Variants in CWC27 observed in about 807,000 individuals in gnomAD.
The protein encoded by CWC27 is CWC27 spliceosome associated cyclophilin, also known as spliceosome-associated protein CWC27 homolog.
A neutral mutation model predicts 63.6 loss-of-function variants in CWC27; 47 were observed. The ratio of observed to expected loss-of-function variants is 0.74; its 90% CI spans 0.58 to 0.94. CWC27 has a LOEUF of 0.94. Ranked by LOEUF, CWC27 falls within the 40% of genes least tolerant of loss-of-function variation. The pLI, the probability that CWC27 is intolerant of heterozygous loss-of-function variation, is 0.00. For synonymous variants in CWC27, 175 were observed against 179.8 expected (o/e 0.97, Z 0.22); for missense variants, 495 against 554.3 (o/e 0.89, Z 1.07).
At chr5:64,990,500 C>T (rs1459157086) in intron 13 of CWC27, among the ~76,000 whole-genome samples, 1 of 47,784 alleles carries the variant, frequency 2.1e-5, no homozygotes, top group Non-Finnish European at 4.8e-5. Context: ...CTCCTGACCT[C>T]GTGATCTGCC....
intron 13 of CWC27, among the ~76,000 whole-genome samples, chr5:64,985,020 A>G (rs1300791101): frequency 6.6e-6 from 1 of 152,234 alleles, no homozygotes; most frequent in East Asian, 1.9e-4. Flanking sequence ...ATGTCCAATT[A>G]TTCCAGTACC....
chr5:64,868,275 C>A (rs913458310), intron 10 of CWC27, among the ~76,000 whole-genome samples: 1 of 151,954 alleles, frequency 6.6e-6, no homozygotes, highest in Admixed American at 6.6e-5. Context: ...TCCTCTGGCC[C>A]CTGGAAAATA....
At chr5:64,878,498 A>AAAAAAAAAAAAAAC (rs1746852249) in intron 10 of CWC27, among the ~76,000 whole-genome samples, 3 of 145,820 alleles carry the variant, frequency 2.1e-5, no homozygotes, top group Non-Finnish European at 4.5e-5. Flanking sequence ...AAAAAAAAAA[A>AAAAAAAAAAAAAAC]AAGCACCTGT....
At chr5:64,985,203 T>A (rs1182197024) in intron 13 of CWC27, among the ~76,000 whole-genome samples, 1 of 152,232 alleles carries the variant, frequency 6.6e-6, no homozygotes, top group Non-Finnish European at 1.5e-5. Flanking sequence ...TTTGAAATGA[T>A]TCTTCCAACT....
At chr5:64,890,178 A>G (rs76473662) in intron 11 of CWC27, among the ~76,000 whole-genome samples, 2,506 of 152,236 alleles carry the variant, frequency 0.016, 64 homozygotes, top group African/African-American at 0.058. Context: ...ATTAGAGGAG[A>G]AGGGTCAGGC....
chr5:64,951,377 A>G (rs1445919441), intron 11 of CWC27, among the ~76,000 whole-genome samples: 2 of 151,852 alleles, frequency 1.3e-5, no homozygotes, highest in African/African-American at 4.8e-5. Context: ...TGTTATTTTA[A>G]TCATATTATT....
chr5:64,824,755 T>C (rs1462039399), intron 10 of CWC27, among the ~76,000 whole-genome samples: 3 of 127,498 alleles, frequency 2.4e-5, no homozygotes, highest in African/African-American at 9.5e-5. Context: ...TTTTTTGAGA[T>C]GGAGTCTCAC....
intron 10 of CWC27, chr5:64,807,980 G>T: frequency 7.1e-7 from 1 of 1,402,412 alleles, no homozygotes; most frequent in Non-Finnish European, 9.2e-7. Context: ...AGGCCATCTA[G>T]TTGATAATCG....
chr5:64,976,037 C>A (rs1749222795), intron 12 of CWC27, among the ~76,000 whole-genome samples: 1 of 152,032 alleles, frequency 6.6e-6, no homozygotes, highest in South Asian at 2.1e-4. Context: ...CATTGCACTC[C>A]AGCCTGGGCC....
chr5:64,895,233 C>G (rs1430365761), intron 11 of CWC27, among the ~76,000 whole-genome samples: 2 of 151,696 alleles, frequency 1.3e-5, no homozygotes, highest in Non-Finnish European at 2.9e-5. Flanking sequence ...TCTCCTTATG[C>G]ATCAGAGAAA....
intron 10 of CWC27, among the ~76,000 whole-genome samples, chr5:64,856,749 T>C (rs958353978): frequency 1.2e-4 from 18 of 152,238 alleles, no homozygotes; most frequent in Admixed American, 3.3e-4. Flanking sequence ...TGGAAGAATA[T>C]TTGGAAGCAG....
chr5:64,817,778 A>G (rs1745084425), intron 10 of CWC27, among the ~76,000 whole-genome samples: 1 of 152,156 alleles, frequency 6.6e-6, no homozygotes, highest in South Asian at 2.1e-4. Context: ...CATGAGTCTC[A>G]GTTATTTAAT....
chr5:64,842,537 C>T (rs1037749874), intron 10 of CWC27, among the ~76,000 whole-genome samples: 4 of 151,688 alleles, frequency 2.6e-5, no homozygotes, highest in Admixed American at 6.6e-5. Flanking sequence ...CTCCTGACCT[C>T]GTGATCCACT....
chr5:64,929,318 G>A (rs1191457281), intron 11 of CWC27, among the ~76,000 whole-genome samples: 4 of 152,088 alleles, frequency 2.6e-5, no homozygotes, highest in African/African-American at 9.7e-5. Flanking sequence ...GTAATTTGAA[G>A]AAATGACTGA....
intron 11 of CWC27, among the ~76,000 whole-genome samples, chr5:64,886,794 T>C (rs1346405042): frequency 1.3e-5 from 2 of 152,078 alleles, no homozygotes; most frequent in African/African-American, 2.4e-5. Context: ...TTAACTGAAG[T>C]ATAATGGCAC....
intron 10 of CWC27, among the ~76,000 whole-genome samples, chr5:64,857,182 G>C (rs1746275945): frequency 6.6e-6 from 1 of 152,132 alleles, no homozygotes; most frequent in South Asian, 2.1e-4. Context: ...TTAAATTTCA[G>C]TATTCAATTT....
In CWC27 at chr5:65,018,166, C is replaced by A; in HGVS notation, c.1264C>A (p.His422Asn). The change falls in exon 14 of 14, where the codon CAT becomes AAT. Residue 422 changes from histidine (H) to asparagine (N), a missense_variant. His to Asn is a moderately conservative substitution (Grantham distance 68). Coordinates refer to ENST00000381070, the MANE Select transcript of CWC27 (RefSeq NM_005869.4). ...ATCTCTCTCCCTATTTAGGATGTCACATGTACTTCAGTTTGAGGATAAAAG... is the reference window on the plus strand; with the variant it reads ...ATCTCTCTCCCTATTTAGGATGTCAAATGTACTTCAGTTTGAGGATAAAAG... ...EVEDDEGWMS[H>N]VLQFEDKSRK... 1 of 1,594,658 alleles carries A rather than the reference C, an allele frequency of 6.3e-7. No homozygotes were observed. The highest frequency in any genetic ancestry group is 8.5e-7 in the Non-Finnish European group (1 of 1,174,450).
intron 10 of CWC27, among the ~76,000 whole-genome samples, chr5:64,851,106 T>C (rs568249410): frequency 3.5e-4 from 54 of 152,330 alleles, no homozygotes; most frequent in African/African-American, 1.2e-3. Flanking sequence ...TACATGTTCA[T>C]TGCAGCACTA....
intron 10 of CWC27, chr5:64,808,035 G>A (rs1289492591): frequency 5.2e-6 from 7 of 1,344,290 alleles, no homozygotes; most frequent in African/African-American, 1.5e-5. Context: ...CTGCTCTGGA[G>A]ATTTTTGTCT....
Sources: allele counts gnomAD v4.1 joint callset (sites outside exome capture counted in the v4.1 genomes callset), GRCh38; gene constraint gnomAD v4.1.1; transcripts MANE v1.5; gene names NCBI Gene and HGNC (gene_info 2026-07-23, HGNC 2026-07-21).